NLRP13: variants seen among roughly 807,000 people sequenced by gnomAD.
NLRP13 encodes NACHT, LRR and PYD domains-containing protein 13.
NLRP13 carries 82 observed loss-of-function variants against 94.4 expected under a neutral mutation model. That is an observed-to-expected ratio of 0.87 (90% CI 0.73 to 1.04). NLRP13 has a LOEUF of 1.04. NLRP13 is among the 50% of genes least tolerant of loss of function. The probability of loss-of-function intolerance (pLI) is 0.00; values close to 1 mark genes in which losing one functional copy is unlikely to be tolerated. For missense variants in NLRP13, 1,426 were observed against 1,230.8 expected (o/e 1.16, Z -2.37); for synonymous variants, 553 against 464.7 (o/e 1.19, Z -2.45).
chr19:55,907,676 C>T (rs778764037), intron 7 of NLRP13, 116 bp downstream of exon 7: 4 of 971,358 alleles, frequency 4.1e-6, no homozygotes, highest in Non-Finnish European at 6.4e-6. Context: ...CTTTGCTCAT[C>T]CTTCTCTGTC....
At chr19:55,907,651 C>T in intron 7 of NLRP13, 141 bp downstream of exon 7, 1 of 775,492 alleles carries the variant, frequency 1.3e-6, no homozygotes, top group Non-Finnish European at 2.2e-6. Flanking sequence ...CGGCTCTACA[C>T]ATAGGAACAT....
chr19:55,913,154 A>G lies in NLRP13; in HGVS notation c.663T>C (p.Pro221=), dbSNP rs375640003. ...TCTGGGCCTGGGCTCTAGTCCTATTAGGATCCAGTAGGCGCTGCAGTTCCT... is the reference window on the plus strand; with the variant it reads ...TCTGGGCCTGGGCTCTAGTCCTATTGGGATCCAGTAGGCGCTGCAGTTCCT... The part of the protein sequence containing the change: ...EHEELQRLLD[P]NRTRAQAQTI... Residue 221 remains proline (P), a synonymous_variant, in exon 5 of 11, where the codon CCT becomes CCC. Coordinates refer to ENST00000342929, the MANE Select transcript of NLRP13 (RefSeq NM_176810.2). The G allele has an allele frequency of 1.2e-6, 2 of 1,613,988 alleles. No individual in the cohort carries two copies. The highest frequency in any genetic ancestry group is 1.7e-6 in the Non-Finnish European group (2 of 1,180,016).
At chr19:55,895,292 G>T (rs945064134), downstream of NLRP13, among the ~76,000 whole-genome samples, 3 of 151,990 alleles carry the variant, frequency 2.0e-5, no homozygotes, top group African/African-American at 4.8e-5. Flanking sequence ...TGAGCCAAGA[G>T]AATCACTTGA....
chr19:55,914,355 A>G (rs1430282063), intron 4 of NLRP13, among the ~76,000 whole-genome samples: 2 of 152,126 alleles, frequency 1.3e-5, no homozygotes, highest in Non-Finnish European at 2.9e-5. Context: ...TGCTTTGAAA[A>G]CCAAGGAATG....
chr19:55,893,274 G>T (rs1985905873), downstream of NLRP13, among the ~76,000 whole-genome samples: 1 of 151,970 alleles, frequency 6.6e-6, no homozygotes, highest in South Asian at 2.1e-4. Context: ...TGTAATCCAG[G>T]CTACTCGGGA....
intron 4 of NLRP13, among the ~76,000 whole-genome samples, chr19:55,917,470 A>G (rs1035069175): frequency 6.6e-6 from 1 of 152,088 alleles, no homozygotes; most frequent in Admixed American, 6.6e-5. Flanking sequence ...GCGCTTCTTA[A>G]AAGATATAAA....
chr19:55,919,513 A>G (rs1261695469), intron 4 of NLRP13, among the ~76,000 whole-genome samples: 1 of 152,072 alleles, frequency 6.6e-6, no homozygotes, highest in Non-Finnish European at 1.5e-5. Flanking sequence ...AATTCATAAA[A>G]TCTTAGTATT....
At chr19:55,899,056 C>T (rs1304423879) in intron 9 of NLRP13, 119 bp from the exon 10 acceptor site, 2 of 1,102,166 alleles carry the variant, frequency 1.8e-6, no homozygotes, top group South Asian at 1.7e-5. Context: ...GACTTTTGTC[C>T]CAAGCCTCGA....
At chr19:55,923,329 TG>T (rs1255322189) in intron 4 of NLRP13, among the ~76,000 whole-genome samples, 1 of 152,038 alleles carries the variant, frequency 6.6e-6, no homozygotes, top group African/African-American at 2.4e-5. Flanking sequence ...CTTGGAAGGC[TG>T]GGGGAGAGGG....
At chr19:55,919,490 G>T (rs551348063) in intron 4 of NLRP13, among the ~76,000 whole-genome samples, 1 of 151,916 alleles carries the variant, frequency 6.6e-6, no homozygotes, top group Non-Finnish European at 1.5e-5. Flanking sequence ...AAGACTCCTA[G>T]ATTTGATAAA....
intron 4 of NLRP13, among the ~76,000 whole-genome samples, chr19:55,917,441 C>A (rs1029076686): frequency 6.6e-6 from 1 of 151,906 alleles, no homozygotes; most frequent in South Asian, 2.1e-4. Context: ...TATTAACCTT[C>A]AATATACATG....
chr19:55,896,036 T>C lies in NLRP13; in HGVS notation c.3041A>G (p.Asn1014Ser), dbSNP rs754516543. ...LSSSKSLVNL[N>S]LLGNELDTDG... ...AGTATCCAATTCATTGCCTAGAAGG[T>C]TCAGATTGACCAGGCTCTTACTGCT... Residue 1014 changes from asparagine to serine, a missense_variant, in exon 11 of 11, where the codon AAC (asparagine) becomes AGC (serine). Asn to Ser is a conservative substitution (Grantham distance 46, BLOSUM62 1). Coordinates refer to ENST00000342929, the MANE Select transcript of NLRP13 (RefSeq NM_176810.2). The C allele has an allele frequency of 3.2e-5, 51 of 1,614,120 alleles. No individual in the cohort carries two copies. The South Asian group carries it at 4.8e-4, about 15-fold the overall frequency.
chr19:55,920,512 AAAG>A (rs1219782642), intron 4 of NLRP13, among the ~76,000 whole-genome samples: 2 of 152,036 alleles, frequency 1.3e-5, no homozygotes, highest in Non-Finnish European at 2.9e-5. Context: ...ACATTTTTTA[AAAG>A]AAGACATAGA....
intron 1 of NLRP13, among the ~76,000 whole-genome samples, chr19:55,930,901 A>ATATATTTTTT (rs1338071833): frequency 9.2e-5 from 9 of 98,286 alleles, no homozygotes; most frequent in Non-Finnish European, 1.5e-4. Flanking sequence ...TATATATAAA[A>ATATATTTTTT]TTTTAACCAG....
chr19:55,926,314 T>C (rs1986964563), intron 1 of NLRP13, among the ~76,000 whole-genome samples: 1 of 152,198 alleles, frequency 6.6e-6, no homozygotes. Flanking sequence ...GACTAGTACA[T>C]GGCTGCAAAG....
downstream of NLRP13, chr19:55,891,707 C>G (rs1253084223): frequency 2.1e-5 from 4 of 189,430 alleles, no homozygotes; most frequent in Non-Finnish European, 4.3e-5. Context: ...ATATGCTTTG[C>G]TTTATTGAAT....
intron 5 of NLRP13, among the ~76,000 whole-genome samples, chr19:55,911,496 A>T (rs1986507735): frequency 6.6e-6 from 1 of 152,210 alleles, no homozygotes; most frequent in Admixed American, 6.5e-5. Context: ...AGATATAAAG[A>T]TGTCTTTAAG....
At chr19:55,901,013 A>G (rs142526598) in intron 9 of NLRP13, among the ~76,000 whole-genome samples, 504 of 152,286 alleles carry the variant, frequency 3.3e-3, no homozygotes, top group Non-Finnish European at 5.8e-3. Flanking sequence ...TAGACCGCAC[A>G]TAACCAGCAC....
rs762425285 is a variant in NLRP13, at chr19:55,932,084, G to A, written c.228C>T (p.Phe76=). 1.8e-5 allele frequency: 29 copies of A among 1,614,120 alleles called. No homozygotes were observed. Among genetic ancestry groups the A allele is most frequent in the Non-Finnish European group, 2.5e-5 (29 of 1,179,988 alleles). ...CCACTTTCCATGCCTGACCTTTTGG[G>A]AAGTGTTCATCCAAAAGAAAGGACA... The part of the protein sequence containing the change: ...LNLSFLLDEH[F]PKGQAWKVVL... The change falls in exon 1 of 11, where the codon TTC becomes TTT. Residue 76 remains phenylalanine (F), a synonymous_variant. Transcript: ENST00000342929.
Sources: allele counts gnomAD v4.1 joint callset (sites outside exome capture counted in the v4.1 genomes callset), GRCh38; gene constraint gnomAD v4.1.1; transcripts MANE v1.5; gene names NCBI Gene and HGNC (gene_info 2026-07-23, HGNC 2026-07-21).